ILRUN: variants seen among roughly 807,000 people sequenced by gnomAD.
ILRUN encodes inflammation and lipid regulator with UBA-like and NBR1-like domains, also known as protein ILRUN.
Under a neutral mutation model 33.8 loss-of-function variants are expected in ILRUN, and 3 were observed. The observed-to-expected ratio is 0.09, with a 90% CI of 0.04 to 0.23. ILRUN has a LOEUF of 0.23. Ranked by LOEUF, ILRUN falls within the 10% of genes least tolerant of loss-of-function variation. The probability of loss-of-function intolerance (pLI) is 1.00; values close to 1 mark genes in which losing one functional copy is unlikely to be tolerated. For synonymous variants in ILRUN, 124 were observed against 138.9 expected, an observed-to-expected ratio of 0.89 and a Z score of 0.75; for missense variants, 210 against 375.1, an observed-to-expected ratio of 0.56 and a Z score of 3.64.
intron 1 of ILRUN, among the ~76,000 whole-genome samples, chr6:34,680,577 GC>G (rs573649482): frequency 8.6e-4 from 131 of 151,972 alleles, no homozygotes; most frequent in Non-Finnish European, 1.5e-3. Flanking sequence ...TGATTCTCCT[GC>G]CTCAGCCTCC....
In ILRUN at chr6:34,656,235, C is replaced by CAA. The variant is rs562655955; in HGVS notation, c.159-1458_159-1457dup. Among the ~76,000 whole-genome samples the CAA allele has an allele frequency of 5.9e-3, 364 of 61,686 alleles. 3 individuals are homozygous for CAA. The highest frequency in any genetic ancestry group is 0.02 in the South Asian group (37 of 1,860). 40.5% of individuals were successfully genotyped at this position (61,686 alleles called of 152,430 possible). On this transcript the variant is annotated intron_variant, in intron 1 of 4. Coordinates refer to ENST00000374023, the MANE Select transcript of ILRUN (RefSeq NM_024294.4). Reference sequence around the variant, plus strand: ...CAGGCAACAGTGCCAGACTCCGTCTCAAAAAAAAAAAAAAAAAAAAGAGCC... The same window carrying CAA: ...CAGGCAACAGTGCCAGACTCCGTCTCAAAAAAAAAAAAAAAAAAAAAAGAGCC...
At chr6:34,642,853 C>T (rs530743593) in intron 3 of ILRUN, among the ~76,000 whole-genome samples, 77 of 118,318 alleles carry the variant, frequency 6.5e-4, no homozygotes, top group African/African-American at 2.5e-3. Flanking sequence ...AAAAAAAAGG[C>T]ATGATGGCAC....
At chr6:34,599,455 G>T in intron 4 of ILRUN, among the ~76,000 whole-genome samples, 1 of 152,082 alleles carries the variant, frequency 6.6e-6, no homozygotes, top group Non-Finnish European at 1.5e-5. Context: ...GTTACACTGT[G>T]GGGAGGGAGG....
intron 4 of ILRUN, among the ~76,000 whole-genome samples, chr6:34,591,019 A>T (rs758612913): frequency 6.6e-5 from 10 of 152,200 alleles, no homozygotes; most frequent in Non-Finnish European, 1.5e-4. Context: ...AACAACACAT[A>T]TATCAGCAAA....
chr6:34,647,438 A>G (rs1267611895), intron 2 of ILRUN, among the ~76,000 whole-genome samples: 2 of 152,162 alleles, frequency 1.3e-5, no homozygotes, highest in South Asian at 2.1e-4. Flanking sequence ...ATCTCCCCTG[A>G]TAACATCAAT....
intron 3 of ILRUN, among the ~76,000 whole-genome samples, chr6:34,611,362 A>C (rs1053934969): frequency 2.0e-5 from 3 of 152,130 alleles, no homozygotes; most frequent in East Asian, 1.9e-4. Flanking sequence ...CTATAAAAGG[A>C]AAGTCATTTG....
chr6:34,682,020 TCTTATATTTTTATTTTTTTA>T lies in ILRUN; in HGVS notation c.158+14406_158+14425del, dbSNP rs1371121254. ...GTGCATGCCACCACACCCCACTAAT[TCTTATATTTTTATTTTTTTA>T]CTTTTTTTTTTTTTTCTAGAGACGG... On this transcript the variant is annotated intron_variant, in intron 1 of 4. Coordinates refer to ENST00000374023, the MANE Select transcript of ILRUN (RefSeq NM_024294.4). Among the ~76,000 whole-genome samples, 70 of 141,008 alleles carry T rather than the reference TCTTATATTTTTATTTTTTTA, an allele frequency of 5.0e-4. 2 individuals are homozygous for T. The highest frequency in any genetic ancestry group is 1.7e-3 in the African/African-American group (64 of 37,220). 92.5% of individuals were successfully genotyped at this position (141,008 alleles called of 152,430 possible).
rs560525694 is a variant in ILRUN at position 34,607,640 on chromosome 6, T to C, written c.512-736A>G. Among the ~76,000 whole-genome samples the C allele has an allele frequency of 6.8e-5, 8 of 117,672 alleles. No individual in the cohort carries two copies. The South Asian group carries it at 9.3e-4, about 14-fold the overall frequency. 77.2% of individuals were successfully genotyped at this position (117,672 alleles called of 152,430 possible). A position where few individuals can be genotyped will look rare whatever the true frequency, so the allele number is the denominator to read the frequency against. On this transcript the variant is annotated intron_variant, in intron 3 of 4. Transcript: ENST00000374023. ...GCAATTTATCACTGTGTGAACATCA[T>C]AGAGTGTACAAAACCTAGATAGTAG...
At chr6:34,650,629 T>C (rs1019695071) in intron 2 of ILRUN, among the ~76,000 whole-genome samples, 4 of 151,728 alleles carry the variant, frequency 2.6e-5, no homozygotes, top group Non-Finnish European at 5.9e-5. Flanking sequence ...GATGGGGTTT[T>C]TAGTAGAGAT....
At chr6:34,681,355 C>A (rs375503766) in intron 1 of ILRUN, among the ~76,000 whole-genome samples, 1 of 152,156 alleles carries the variant, frequency 6.6e-6, no homozygotes, top group Non-Finnish European at 1.5e-5. Context: ...AACTGCCCCC[C>A]CTCCCAAGAC....
chr6:34,686,296 C>G (rs574717618), intron 1 of ILRUN, among the ~76,000 whole-genome samples: 182 of 151,808 alleles, frequency 1.2e-3, no homozygotes, highest in African/African-American at 4.2e-3. Flanking sequence ...GTCAGGAGAT[C>G]GAGACCATCC....
At chr6:34,590,631 T>C (rs367871850) in intron 4 of ILRUN, 31 bp from the exon 5 acceptor site, 16 of 1,494,456 alleles carry the variant, frequency 1.1e-5, no homozygotes, top group Non-Finnish European at 1.5e-5. Context: ...TCAGTGATGG[T>C]ACACATAGCA....
chr6:34,616,800 G>A lies in ILRUN; in HGVS notation c.512-9896C>T. The A allele has an allele frequency of 4.3e-6, 3 of 696,222 alleles. No homozygotes were observed. In the South Asian group the frequency reaches 4.6e-5, roughly 11 times the overall value. The allele number at this position is 696,222 out of a possible 1,614,324, so 43.1% of individuals were successfully genotyped here. Reference sequence around the variant, plus strand: ...AAATTGGCATTTATCATTAGGATCAGAGGTATCAATGGTGTGAACCCAAAG... The same window carrying A: ...AAATTGGCATTTATCATTAGGATCAAAGGTATCAATGGTGTGAACCCAAAG... On this transcript the variant is annotated intron_variant, in intron 3 of 4. Coordinates refer to ENST00000374023, the MANE Select transcript of ILRUN (RefSeq NM_024294.4).
rs1370281632 is a variant in ILRUN at position 34,689,029 on chromosome 6, A to G, written c.158+7417T>C. Reference sequence around the variant, plus strand: ...ACAGAACTCAGACTGCTGGTTGCCAATGGCTGAGGAGAGAATAGTCCTTTA... The same window carrying G: ...ACAGAACTCAGACTGCTGGTTGCCAGTGGCTGAGGAGAGAATAGTCCTTTA... On this transcript the variant is annotated intron_variant, in intron 1 of 4. Coordinates refer to ENST00000374023, the MANE Select transcript of ILRUN (RefSeq NM_024294.4). Among the ~76,000 whole-genome samples, 3 of 152,118 alleles carry G rather than the reference A, an allele frequency of 2.0e-5. No homozygotes were observed. The East Asian group carries it at 5.8e-4, about 29-fold the overall frequency.
At chr6:34,677,836 C>T (rs1278935020) in intron 1 of ILRUN, among the ~76,000 whole-genome samples, 3 of 150,660 alleles carry the variant, frequency 2.0e-5, no homozygotes, top group Non-Finnish European at 4.4e-5. Context: ...TTAATCCCAG[C>T]TACTTGACGG....
chr6:34,597,132 G>A (rs1761418069), intron 4 of ILRUN, among the ~76,000 whole-genome samples: 1 of 152,048 alleles, frequency 6.6e-6, no homozygotes, highest in Non-Finnish European at 1.5e-5. Context: ...AAACCATGAA[G>A]AATAAAACTC....
intron 3 of ILRUN, among the ~76,000 whole-genome samples, chr6:34,637,260 A>G (rs2127353014): frequency 6.6e-6 from 1 of 152,322 alleles, no homozygotes; most frequent in African/African-American, 2.4e-5. Context: ...CAAAAAAGTT[A>G]AGGATTATAT....
intron 1 of ILRUN, among the ~76,000 whole-genome samples, chr6:34,685,860 C>T (rs1027406115): frequency 6.6e-6 from 1 of 152,124 alleles, no homozygotes; most frequent in Admixed American, 6.5e-5. Flanking sequence ...TTAAGCTCCA[C>T]AAAATCAAGC....
chr6:34,684,211 C>T (rs1763467836), intron 1 of ILRUN, among the ~76,000 whole-genome samples: 1 of 152,180 alleles, frequency 6.6e-6, no homozygotes, highest in Admixed American at 6.5e-5. Context: ...ATCAGACATG[C>T]TCTTTATAAA....
Sources: allele counts gnomAD v4.1 joint callset (sites outside exome capture counted in the v4.1 genomes callset), GRCh38; gene constraint gnomAD v4.1.1; transcripts MANE v1.5; gene names NCBI Gene and HGNC (gene_info 2026-07-23, HGNC 2026-07-21).